KLF12: variants seen among roughly 807,000 people sequenced by gnomAD.
KLF12 encodes KLF transcription factor 12.
Under a neutral mutation model 37.8 loss-of-function variants are expected in KLF12, and 9 were observed. The ratio of observed to expected loss-of-function variants is 0.24; its 90% CI spans 0.14 to 0.42. The LOEUF (loss-of-function observed/expected upper bound fraction) is 0.42. Among genes scored for constraint, KLF12 ranks in the 10% least tolerant of loss-of-function variants. The pLI is 1.00. For missense variants in KLF12, 411 were observed against 516.0 expected, an observed-to-expected ratio of 0.80 and a Z score of 1.97; for synonymous variants, 208 against 202.1, an observed-to-expected ratio of 1.03 and a Z score of -0.25.
intron 3 of KLF12, among the ~76,000 whole-genome samples, chr13:73,941,249 C>T (rs536881578): frequency 1.3e-5 from 2 of 152,234 alleles, no homozygotes; most frequent in South Asian, 4.1e-4. Context: ...ACTAACATGT[C>T]TCATCTTTTT....
chr13:74,131,490 T>C (rs898153987), intron 1 of KLF12, among the ~76,000 whole-genome samples: 3 of 152,206 alleles, frequency 2.0e-5, no homozygotes, highest in Non-Finnish European at 4.4e-5. Flanking sequence ...AGGTCTCAAA[T>C]GCTATACCAG....
chr13:74,072,322 T>C (rs1172416161), intron 1 of KLF12, among the ~76,000 whole-genome samples: 2 of 141,802 alleles, frequency 1.4e-5, no homozygotes, highest in Non-Finnish European at 3.0e-5. Context: ...AACTCCTAAA[T>C]GTCTACTATT....
rs549081998 is a variant in KLF12 at position 73,924,901 on chromosome 13, A to G, written c.123+19080T>C. Among the ~76,000 whole-genome samples the G allele has an allele frequency of 7.9e-5, 12 of 152,326 alleles. No individual in the cohort carries two copies. In the East Asian group the frequency reaches 1.9e-3, roughly 24 times the overall value. On this transcript the variant is annotated intron_variant, in intron 3 of 7. Coordinates refer to ENST00000377669, the MANE Select transcript of KLF12 (RefSeq NM_007249.5). ...TAAGTTTGAGTGGTCTCGACAGGTG[A>G]TCAAACCAGCCACAACATTCCCTTG...
intron 1 of KLF12, among the ~76,000 whole-genome samples, chr13:74,028,422 A>G (rs752971957): frequency 6.6e-6 from 1 of 152,188 alleles, no homozygotes; most frequent in Non-Finnish European, 1.5e-5. Context: ...AATAATTAGT[A>G]AAGTATACAA....
intron 5 of KLF12, among the ~76,000 whole-genome samples, chr13:73,803,562 T>G (rs1321197700): frequency 6.6e-6 from 1 of 152,118 alleles, no homozygotes; most frequent in East Asian, 1.9e-4. Context: ...AATCATATGC[T>G]TATTATAGAA....
chr13:73,818,399 T>C (rs1179052894), intron 4 of KLF12, among the ~76,000 whole-genome samples: 2 of 152,236 alleles, frequency 1.3e-5, no homozygotes, highest in Non-Finnish European at 2.9e-5. Flanking sequence ...CCCAAAGGTA[T>C]ATTTCATGTT....
chr13:74,183,622 G>A, the KLF12 span, among the ~76,000 whole-genome samples: 11 of 152,094 alleles, frequency 7.2e-5, no homozygotes, highest in East Asian at 5.8e-4. Flanking sequence ...CACCAACAGC[G>A]TATTTAGAAA....
At chr13:73,936,270 T>C (rs1473536675) in intron 3 of KLF12, among the ~76,000 whole-genome samples, 1 of 152,156 alleles carries the variant, frequency 6.6e-6, no homozygotes, top group African/African-American at 2.4e-5. Context: ...GACTTGCAGA[T>C]CAGTTCGGTC....
At chr13:73,928,658 A>G (rs1324277234) in intron 3 of KLF12, among the ~76,000 whole-genome samples, 1 of 152,216 alleles carries the variant, frequency 6.6e-6, no homozygotes, top group East Asian at 1.9e-4. Flanking sequence ...AATGAGAATA[A>G]TTCTTCAAGA....
chr13:74,181,806 T>C, the KLF12 span, among the ~76,000 whole-genome samples: 1 of 152,060 alleles, frequency 6.6e-6, no homozygotes, highest in African/African-American at 2.4e-5. Context: ...CTGTATACAC[T>C]GTATATGTAT....
intron 1 of KLF12, among the ~76,000 whole-genome samples, chr13:74,027,447 AT>A: frequency 6.6e-6 from 1 of 152,154 alleles, no homozygotes; most frequent in Non-Finnish European, 1.5e-5. Flanking sequence ...TGAGTGGCAT[AT>A]ATAATTGTTT....
chr13:74,071,966 C>T (rs1874279585), intron 1 of KLF12, among the ~76,000 whole-genome samples: 1 of 151,952 alleles, frequency 6.6e-6, no homozygotes, highest in African/African-American at 2.4e-5. Context: ...AAATTTTCCT[C>T]CCCAACCCCC....
intron 7 of KLF12, among the ~76,000 whole-genome samples, chr13:73,702,537 A>C (rs1012509171): frequency 1.3e-5 from 2 of 152,214 alleles, no homozygotes; most frequent in East Asian, 1.9e-4. Context: ...TGTGTTAAAC[A>C]AAACATCCAT....
At chr13:73,841,358 G>A (rs28701990) in intron 4 of KLF12, among the ~76,000 whole-genome samples, 38,723 of 151,880 alleles carry the variant, frequency 0.25, 5,126 homozygotes, top group East Asian at 0.49. Flanking sequence ...AATTAACTTG[G>A]GCCACACATA....
chr13:74,234,747 G>GGA, the KLF12 span, among the ~76,000 whole-genome samples: 5 of 143,230 alleles, frequency 3.5e-5, no homozygotes, highest in African/African-American at 1.3e-4. Flanking sequence ...CTCTTATTCG[G>GGA]AAAAAAAAAA....
At chr13:73,810,803 T>G (rs1269035115) in intron 5 of KLF12, among the ~76,000 whole-genome samples, 2 of 152,042 alleles carry the variant, frequency 1.3e-5, no homozygotes, top group East Asian at 3.9e-4. Context: ...ATTTTAGGAT[T>G]TAGCTCACAC....
chr13:73,806,192 C>T (rs1461372828), intron 5 of KLF12, among the ~76,000 whole-genome samples: 10 of 151,618 alleles, frequency 6.6e-5, no homozygotes, highest in Admixed American at 2.6e-4. Flanking sequence ...CTGAAACCTC[C>T]GCCTCCCGGG....
intron 3 of KLF12, among the ~76,000 whole-genome samples, chr13:73,900,815 G>A (rs1450747686): frequency 6.6e-6 from 1 of 151,974 alleles, no homozygotes; most frequent in Non-Finnish European, 1.5e-5. Flanking sequence ...ATAAATGGAG[G>A]AAAACAATAT....
intron 4 of KLF12, among the ~76,000 whole-genome samples, chr13:73,815,331 C>T (rs751470368): frequency 4.6e-5 from 7 of 152,088 alleles, no homozygotes; most frequent in Non-Finnish European, 7.4e-5. Flanking sequence ...GATTTATTTT[C>T]GCTGTAGGCA....
Sources: gnomAD v4.1 joint callset for allele counts (sites outside exome capture counted in the v4.1 genomes callset) on GRCh38, gnomAD v4.1.1 for gene constraint, MANE v1.5 for transcripts, NCBI Gene and HGNC (gene_info 2026-07-23, HGNC 2026-07-21) for gene names.